Variants in TBPL1 observed in about 807,000 individuals in gnomAD.
The protein encoded by TBPL1 is TATA-box binding protein like 1, also known as TATA box-binding protein-like 1.
A neutral mutation model predicts 22.1 loss-of-function variants in TBPL1; 4 were observed. The observed-to-expected ratio is 0.18, with a 90% CI of 0.09 to 0.41. The LOEUF (loss-of-function observed/expected upper bound fraction) is 0.41. TBPL1 is among the 10% of genes least tolerant of loss of function. TBPL1 has a pLI of 1.00. For missense variants in TBPL1, 115 were observed against 222.3 expected (o/e 0.52, Z 3.07); for synonymous variants, 64 against 71.0 (o/e 0.90, Z 0.50).
chr6:133,963,117 G>A (rs1054839420), intron 1 of TBPL1, among the ~76,000 whole-genome samples: 1 of 152,134 alleles, frequency 6.6e-6, no homozygotes, highest in Non-Finnish European at 1.5e-5. Context: ...AGATTATGCT[G>A]GTTTAAAAGC....
At chr6:133,984,754 G>A in intron 6 of TBPL1, 83 bp downstream of exon 6, 2 of 1,235,470 alleles carry the variant, frequency 1.6e-6, no homozygotes, top group Non-Finnish European at 2.3e-6. Flanking sequence ...AATAATGTGT[G>A]ATTTGTTCCT....
At chr6:133,985,337 T>TATATATATATACAC (rs756426220) in intron 6 of TBPL1, among the ~76,000 whole-genome samples, 1 of 55,018 alleles carries the variant, frequency 1.8e-5, no homozygotes, top group African/African-American at 5.9e-5. Flanking sequence ...TATATATATA[T>TATATATATATACAC]ACACACATAT....
chr6:133,977,855 C>G (rs923098469), intron 1 of TBPL1, among the ~76,000 whole-genome samples: 4 of 152,192 alleles, frequency 2.6e-5, no homozygotes, highest in Non-Finnish European at 5.9e-5. Context: ...GCTACTTGAG[C>G]TCTAGCTCTC....
Position 133,980,962 on chromosome 6 carries a change from ATTTTTTTTTTTT to A in TBPL1, c.135+715_135+726del, listed in dbSNP as rs10713725. On this transcript the variant is annotated intron_variant, in intron 2 of 6. Coordinates refer to ENST00000237264, the MANE Select transcript of TBPL1 (RefSeq NM_004865.4). Reference sequence around the variant, plus strand: ...TATGTAAATTGCCATTAATTAATTAATTTTTTTTTTTTTTTTTTTTTTTTGAGACGGAGTCTC... The same window carrying A: ...TATGTAAATTGCCATTAATTAATTAATTTTTTTTTTTTGAGACGGAGTCTC... Among the ~76,000 whole-genome samples the A allele has an allele frequency of 4.3e-4, 42 of 97,122 alleles. No homozygotes were observed. In the South Asian group the frequency reaches 0.013, roughly 30 times the overall value. The allele number at this position is 97,122 out of a possible 152,430, so 63.7% of individuals were successfully genotyped here.
At chr6:133,982,781 G>A (rs1582584254) in intron 3 of TBPL1, 36 bp from the exon 4 acceptor site, 1 of 1,601,276 alleles carries the variant, frequency 6.2e-7, no homozygotes, top group Non-Finnish European at 8.5e-7. Flanking sequence ...TATTTCCTGT[G>A]TAACTGATAA....
At chr6:133,975,218 A>C (rs1344565029) in intron 1 of TBPL1, among the ~76,000 whole-genome samples, 1 of 152,166 alleles carries the variant, frequency 6.6e-6, no homozygotes, top group African/African-American at 2.4e-5. Context: ...ATGATACTAC[A>C]GTGAAAAAAG....
rs59102121 is a variant in TBPL1, at chr6:133,987,648, G to GTATATATATATATATATATATATA, written c.*627_*628insATATATATATATATATATATATAT. The GTATATATATATATATATATATATA allele has an allele frequency of 7.9e-5, 7 of 88,390 alleles. No individual in the cohort carries two copies. The highest frequency in any genetic ancestry group is 2.2e-4 in the African/African-American group (6 of 27,574). 5.5% of individuals were successfully genotyped at this position (88,390 alleles called of 1,614,324 possible). A position where few individuals can be genotyped will look rare whatever the true frequency, so the allele number is the denominator to read the frequency against. ...TTTGTGTGTGTGTGTGTGTGTGTGT[G>GTATATATATATATATATATATATA]TATATATATATATATATATGCACCA... On this transcript the variant is annotated 3_prime_UTR_variant, in exon 7 of 7. Transcript: ENST00000237264.
At chr6:133,978,314 T>A (rs1378674866) in intron 1 of TBPL1, among the ~76,000 whole-genome samples, 1 of 152,218 alleles carries the variant, frequency 6.6e-6, no homozygotes, top group African/African-American at 2.4e-5. Context: ...TGCTAAGTAC[T>A]TTTCATACAT....
In TBPL1 at chr6:133,980,257, T is replaced by C; in HGVS notation, c.132T>C (p.Val44=). The C allele has an allele frequency of 1.2e-6, 2 of 1,604,308 alleles. No individual in the cohort carries two copies. Among genetic ancestry groups the C allele is most frequent in the Non-Finnish European group, 1.7e-6 (2 of 1,176,786 alleles). Reference sequence around the variant, plus strand: ...CAAATGTAATTTATAAACGTGATGTTGGAGTAAGTATCTGAGTTTTCGTAT... The same window carrying C: ...CAAATGTAATTTATAAACGTGATGTCGGAGTAAGTATCTGAGTTTTCGTAT... ...EGANVIYKRD[V]GKVLMKLRKP... Residue 44 remains valine (V), a synonymous_variant, in exon 2 of 7, where the codon GTT becomes GTC. Transcript: ENST00000237264.
At chr6:133,965,701 A>G (rs939050472) in intron 1 of TBPL1, among the ~76,000 whole-genome samples, 3 of 151,336 alleles carry the variant, frequency 2.0e-5, no homozygotes, top group African/African-American at 7.3e-5. Flanking sequence ...CTTTATTTTT[A>G]CCACTTACTT....
intron 1 of TBPL1, among the ~76,000 whole-genome samples, chr6:133,954,160 A>T (rs947667026): frequency 1.3e-5 from 2 of 152,232 alleles, no homozygotes; most frequent in Non-Finnish European, 2.9e-5. Flanking sequence ...CAATGTGCTC[A>T]TTGCAATAAG....
At chr6:133,952,402 C>T (rs1562652270), upstream of TBPL1, 1 of 152,766 alleles carries the variant, frequency 6.5e-6, no homozygotes, top group East Asian at 1.9e-4. The surrounding 1 kb of genome is among the most constrained non-coding windows in gnomAD (Gnocchi z 4.5). Flanking sequence ...CTCTCCCACT[C>T]CCATCCTTCC....
intron 1 of TBPL1, among the ~76,000 whole-genome samples, chr6:133,978,271 T>C (rs887922985): frequency 6.6e-6 from 1 of 152,216 alleles, no homozygotes; most frequent in Admixed American, 6.5e-5. Flanking sequence ...CAATAATTAC[T>C]GTCATTTACT....
At chr6:133,974,773 C>G (rs1330819663) in intron 1 of TBPL1, among the ~76,000 whole-genome samples, 1 of 152,198 alleles carries the variant, frequency 6.6e-6, no homozygotes, top group Non-Finnish European at 1.5e-5. Flanking sequence ...CTCACACTTT[C>G]AACATCGTTT....
Position 133,980,021 on chromosome 6 carries a change from A to G in TBPL1, c.-44-61A>G, listed in dbSNP as rs1248069491. 3.3e-6 allele frequency: 4 copies of G among 1,211,888 alleles called. No individual in the cohort carries two copies. The African/African-American group carries it at 6.3e-5, about 19-fold the overall frequency. 75.1% of individuals were successfully genotyped at this position (1,211,888 alleles called of 1,614,324 possible). A position where few individuals can be genotyped will look rare whatever the true frequency, so the allele number is the denominator to read the frequency against. ...TCATTTTTTACATTTCAATTTCAAAATTGTGAAAAGTGAATTAACAACATT... is the reference window on the plus strand; with the variant it reads ...TCATTTTTTACATTTCAATTTCAAAGTTGTGAAAAGTGAATTAACAACATT... On this transcript the variant is annotated intron_variant, in intron 1 of 6. Transcript: ENST00000237264.
At chr6:133,975,270 C>T (rs1776294311) in intron 1 of TBPL1, among the ~76,000 whole-genome samples, 1 of 151,916 alleles carries the variant, frequency 6.6e-6, no homozygotes, top group Admixed American at 6.6e-5. Context: ...ATTATTAAGA[C>T]AACCATGAAG....
chr6:133,973,535 C>A (rs997861430), intron 1 of TBPL1, among the ~76,000 whole-genome samples: 2 of 152,050 alleles, frequency 1.3e-5, no homozygotes, highest in African/African-American at 4.8e-5. Flanking sequence ...ATTTTAAATG[C>A]AGTAGTCTTT....
rs550420606 is a variant in TBPL1, at chr6:133,980,058, A to T, written c.-44-24A>T. The T allele has an allele frequency of 4.7e-5, 65 of 1,376,476 alleles. 1 individual carries two copies. The African/African-American group carries it at 8.5e-4, about 18-fold the overall frequency. The allele number at this position is 1,376,476 out of a possible 1,614,324, so 85.3% of individuals were successfully genotyped here. On this transcript the variant is annotated intron_variant, in intron 1 of 6. Transcript: ENST00000237264. Reference sequence around the variant, plus strand: ...GAATTAACAACATTTAAGTTTAATGACTTTATTTTGTTTTATTTCTCAGGA... The same window carrying T: ...GAATTAACAACATTTAAGTTTAATGTCTTTATTTTGTTTTATTTCTCAGGA...
At chr6:133,971,635 G>A (rs1390726040) in intron 1 of TBPL1, among the ~76,000 whole-genome samples, 1 of 152,024 alleles carries the variant, frequency 6.6e-6, no homozygotes, top group East Asian at 1.9e-4. Flanking sequence ...TCTACCTGGA[G>A]TGAGGTGGTA....
Sources: gnomAD v4.1 joint callset for allele counts (sites outside exome capture counted in the v4.1 genomes callset) on GRCh38, gnomAD v4.1.1 for gene constraint, Gnocchi (gnomAD v3.1) non-coding constraint, MANE v1.5 for transcripts, NCBI Gene and HGNC (gene_info 2026-07-23, HGNC 2026-07-21) for gene names.